The following PDE1A variants were observed in gnomAD, a reference collection of about 807,000 sequenced individuals.
PDE1A encodes the protein dual specificity calcium/calmodulin-dependent 3',5'-cyclic nucleotide phosphodiesterase 1A.
Under a neutral mutation model 61.7 loss-of-function variants are expected in PDE1A, and 35 were observed. The ratio of observed to expected loss-of-function variants is 0.57; its 90% CI spans 0.43 to 0.75. PDE1A has a LOEUF of 0.75. PDE1A is among the 30% of genes least tolerant of loss of function. The pLI is 0.00. For missense variants in PDE1A, 597 were observed against 630.6 expected (o/e 0.95, Z 0.57); for synonymous variants, 232 against 213.2 (o/e 1.09, Z -0.77).
At chr2:182,699,895 T>C in the PDE1A span, among the ~76,000 whole-genome samples, 1 of 152,188 alleles carries the variant, frequency 6.6e-6, no homozygotes, top group African/African-American at 2.4e-5. Context: ...AGAGTTAAAT[T>C]GGCATAGCTA....
intron 2 of PDE1A, among the ~76,000 whole-genome samples, chr2:182,450,315 G>A (rs968475012): frequency 6.6e-6 from 1 of 152,066 alleles, no homozygotes; most frequent in Non-Finnish European, 1.5e-5. Flanking sequence ...GGAAAAGAAT[G>A]GAAGAAATGG....
chr2:182,298,417 A>C (rs1241817111), intron 1 of PDE1A, among the ~76,000 whole-genome samples: 8 of 152,190 alleles, frequency 5.3e-5, no homozygotes, highest in Admixed American at 5.2e-4. Flanking sequence ...AGAAAGGCTA[A>C]AACAGAACCA....
the PDE1A span, among the ~76,000 whole-genome samples, chr2:182,567,725 TGA>T: frequency 1.3e-5 from 2 of 152,134 alleles, no homozygotes; most frequent in African/African-American, 4.8e-5. Flanking sequence ...TCCCTGATAA[TGA>T]GTTTTTAATA....
intron 1 of PDE1A, among the ~76,000 whole-genome samples, chr2:182,373,210 G>C (rs1264586237): frequency 6.6e-6 from 1 of 152,152 alleles, no homozygotes; most frequent in Non-Finnish European, 1.5e-5. Flanking sequence ...TAATGGAAGG[G>C]GAACCAATTA....
chr2:182,556,328 G>C, the PDE1A span, among the ~76,000 whole-genome samples: 416 of 152,314 alleles, frequency 2.7e-3, no homozygotes, highest in African/African-American at 9.7e-3. Flanking sequence ...GGGGTGGTGA[G>C]AGAGGAAGAG....
intron 1 of PDE1A, among the ~76,000 whole-genome samples, chr2:182,317,720 C>G (rs754438834): frequency 1.3e-5 from 2 of 151,936 alleles, no homozygotes; most frequent in African/African-American, 4.8e-5. Flanking sequence ...GGGGCAGGGA[C>G]CTAGGAACAA....
rs941992630 is a variant in PDE1A, at chr2:182,447,726, T to C, written c.101+74550A>G. On this transcript the variant is annotated intron_variant, in intron 2 of 14. Coordinates refer to the PDE1A transcript ENST00000410103. ...CTATGGCATGGCTCACTTTCTACTA[T>C]GTATTATAGTTTCTTATGTCCATGA... 8.5e-5 allele frequency among the ~76,000 whole-genome samples: 13 copies of C among 152,094 alleles called. 1 individual carries two copies. Among genetic ancestry groups the C allele is most frequent in the African/African-American group, 2.4e-4 (10 of 41,440 alleles).
intron 13 of PDE1A, among the ~76,000 whole-genome samples, chr2:182,182,047 C>CA (rs1039913281): frequency 6.6e-6 from 1 of 152,100 alleles, no homozygotes; most frequent in African/African-American, 2.4e-5. Flanking sequence ...CAGTCATGAA[C>CA]AATGCTGCTG....
At chr2:182,528,611 T>C in the PDE1A span, among the ~76,000 whole-genome samples, 1 of 151,960 alleles carries the variant, frequency 6.6e-6, no homozygotes, top group Non-Finnish European at 1.5e-5. Flanking sequence ...ACCAAGACAA[T>C]GGGGGAAATG....
chr2:182,404,639 A>AT lies in PDE1A; in HGVS notation c.53+21938dup, dbSNP rs917639817. 4.2e-4 allele frequency among the ~76,000 whole-genome samples: 63 copies of AT among 150,092 alleles called. 3 individuals are homozygous for AT. The South Asian group carries it at 9.3e-3, about 22-fold the overall frequency. On this transcript the variant is annotated intron_variant, in intron 1 of 13. Transcript: ENST00000351439. The stretch of plus-strand genomic sequence containing the variant: ...GATGTTCTGTATTTTTAAAACTTGT[A>AT]TTTTTTTTTTACTTTTTAAATATTT...
chr2:182,443,994 C>T (rs149634268), intron 2 of PDE1A, among the ~76,000 whole-genome samples: 177 of 152,152 alleles, frequency 1.2e-3, no homozygotes, highest in African/African-American at 3.9e-3. Context: ...TGAGCCACCG[C>T]GCCCGGCCAA....
chr2:182,492,924 A>G (rs1475157391), intron 2 of PDE1A, among the ~76,000 whole-genome samples: 1 of 152,128 alleles, frequency 6.6e-6, no homozygotes, highest in East Asian at 1.9e-4. Flanking sequence ...GTGGGGAACT[A>G]CACAGTTTCC....
intron 1 of PDE1A, among the ~76,000 whole-genome samples, chr2:182,325,983 T>A (rs1697018515): frequency 6.6e-6 from 1 of 152,058 alleles, no homozygotes; most frequent in East Asian, 1.9e-4. Context: ...AGAACTTGAA[T>A]ACACATTTCT....
chr2:182,272,322 C>CT lies in PDE1A; in HGVS notation c.54-7909dup, dbSNP rs145440396. ...AGGGCCCTGCACTTTCCTTAGTGCT[C>CT]TGCTGTCGCTATCTTGAAATTCTTG... On this transcript the variant is annotated intron_variant, in intron 1 of 13. Coordinates refer to ENST00000351439, the Ensembl canonical transcript of PDE1A. 6.8e-3 allele frequency among the ~76,000 whole-genome samples: 1,036 copies of CT among 152,242 alleles called. 8 individuals are homozygous for CT. The highest frequency in any genetic ancestry group is 0.023 in the African/African-American group (952 of 41,542).
At chr2:182,543,271 G>T in the PDE1A span, among the ~76,000 whole-genome samples, 1 of 152,150 alleles carries the variant, frequency 6.6e-6, no homozygotes, top group African/African-American at 2.4e-5. Context: ...AAATGCCCTG[G>T]AAATGAAATA....
chr2:182,426,485 G>A, intron 1 of PDE1A, 93 bp downstream of exon 1: 3 of 903,566 alleles, frequency 3.3e-6, no homozygotes, highest in South Asian at 2.8e-5. Flanking sequence ...TTGCTCTGCT[G>A]TAGCTTAGTG....
chr2:182,313,203 C>G (rs1696106354), intron 1 of PDE1A, among the ~76,000 whole-genome samples: 1 of 152,164 alleles, frequency 6.6e-6, no homozygotes, highest in African/African-American at 2.4e-5. Context: ...CACGTAAGAT[C>G]AGAAGTTCGA....
chr2:182,505,665 C>T (rs1000227323), intron 2 of PDE1A, among the ~76,000 whole-genome samples: 9 of 152,174 alleles, frequency 5.9e-5, no homozygotes, highest in Non-Finnish European at 8.8e-5. Context: ...CTTCTTCACA[C>T]GCCAGTTTGA....
intron 2 of PDE1A, among the ~76,000 whole-genome samples, chr2:182,437,612 T>C (rs77897096): frequency 0.041 from 6,177 of 151,972 alleles, 416 homozygotes; most frequent in African/African-American, 0.14. Flanking sequence ...ATAATATTAG[T>C]ATCCTAATTT....
Sources: gnomAD v4.1 joint callset for allele counts (sites outside exome capture counted in the v4.1 genomes callset) on GRCh38, gnomAD v4.1.1 for gene constraint, MANE v1.5 for transcripts, NCBI Gene and HGNC (gene_info 2026-07-23, HGNC 2026-07-21) for gene names.